SETBP1: variants seen among roughly 807,000 people sequenced by gnomAD.
The protein encoded by SETBP1 is SET-binding protein.
In SETBP1, 9 loss-of-function variants were observed where a neutral mutation model predicts 101.0. The ratio of observed to expected loss-of-function variants is 0.09; its 90% CI spans 0.05 to 0.16. The LOEUF is 0.16. SETBP1 is among the 10% of genes least tolerant of loss of function. The pLI is 1.00. For synonymous variants in SETBP1, 818 were observed against 788.5 expected (o/e 1.04, Z -0.63); for missense variants, 1,858 against 2,033.8 (o/e 0.91, Z 1.66).
intron 4 of SETBP1, among the ~76,000 whole-genome samples, chr18:45,015,656 C>T (rs1441781777): frequency 6.6e-6 from 1 of 152,212 alleles, no homozygotes; most frequent in Non-Finnish European, 1.5e-5. Flanking sequence ...TATTGGATTA[C>T]ACTTTATGCC....
Position 44,960,624 on chromosome 18 carries a change from G to T in SETBP1, c.4000+7284G>T, listed in dbSNP as rs557169578. 2.5e-4 allele frequency among the ~76,000 whole-genome samples: 38 copies of T among 152,252 alleles called. No homozygotes were observed. The South Asian group carries it at 7.1e-3, about 28-fold the overall frequency. The stretch of plus-strand genomic sequence containing the variant: ...CTCCCAAAGCGCTGGAATTATAGCT[G>T]TGAGCCAGTGTGCCTGGCCAGAAGC... On this transcript the variant is annotated intron_variant, in intron 4 of 5. Coordinates refer to ENST00000649279, the MANE Select transcript of SETBP1 (RefSeq NM_015559.3).
chr18:44,708,528 T>C (rs149289203), intron 2 of SETBP1, among the ~76,000 whole-genome samples: 98 of 152,258 alleles, frequency 6.4e-4, no homozygotes, highest in African/African-American at 2.2e-3. Context: ...TTCTCTCTGA[T>C]TATGTTGTAG....
chr18:45,007,687 G>C (rs1331197940), intron 4 of SETBP1, among the ~76,000 whole-genome samples: 1 of 152,174 alleles, frequency 6.6e-6, no homozygotes, highest in Admixed American at 6.5e-5. Flanking sequence ...TGGAGATGTT[G>C]CTACTTAAGA....
At chr18:44,876,903 T>G in intron 3 of SETBP1, 1 of 1,373,936 alleles carries the variant, frequency 7.3e-7, no homozygotes, top group Non-Finnish European at 9.4e-7. Flanking sequence ...TCTCTCTGGG[T>G]CTAAAAGATA....
At chr18:44,849,689 AG>A (rs2072806455) in intron 2 of SETBP1, among the ~76,000 whole-genome samples, 2 of 151,922 alleles carry the variant, frequency 1.3e-5, no homozygotes, top group African/African-American at 4.8e-5. Context: ...AGAGAGAGAG[AG>A]AGAGGAGTTC....
intron 4 of SETBP1, among the ~76,000 whole-genome samples, chr18:44,963,549 G>C (rs959809288): frequency 2.0e-5 from 3 of 151,912 alleles, no homozygotes; most frequent in African/African-American, 7.3e-5. Context: ...AATTTAAGGG[G>C]CTTTACCCAC....
chr18:44,752,023 C>A (rs113426920), intron 2 of SETBP1, among the ~76,000 whole-genome samples: 2 of 152,222 alleles, frequency 1.3e-5, no homozygotes, highest in East Asian at 3.9e-4. Flanking sequence ...CCTTGACTAC[C>A]TCTCAAAGGT....
chr18:44,722,338 C>T (rs983664290), intron 2 of SETBP1, among the ~76,000 whole-genome samples: 1 of 152,058 alleles, frequency 6.6e-6, no homozygotes, highest in Non-Finnish European at 1.5e-5. Flanking sequence ...CCCTACCTTC[C>T]CATGAGTCCC....
intron 4 of SETBP1, among the ~76,000 whole-genome samples, chr18:44,997,384 C>T (rs1568018008): frequency 6.6e-6 from 1 of 152,102 alleles, no homozygotes; most frequent in Non-Finnish European, 1.5e-5. Flanking sequence ...CAGGTGGCTC[C>T]CAGCTCTAAT....
At chr18:45,028,361 T>G (rs529821865) in intron 4 of SETBP1, among the ~76,000 whole-genome samples, 28 of 152,162 alleles carry the variant, frequency 1.8e-4, no homozygotes, top group African/African-American at 6.7e-4. Flanking sequence ...TATGGCTGCA[T>G]AGTATTCCAT....
intron 2 of SETBP1, among the ~76,000 whole-genome samples, chr18:44,824,543 G>C (rs1218201854): frequency 3.3e-5 from 5 of 152,150 alleles, no homozygotes; most frequent in Admixed American, 1.3e-4. Context: ...AAAGGTATTT[G>C]CTGATGGATT....
Position 44,952,765 on chromosome 18 carries a change from T to C in SETBP1, c.3425T>C (p.Leu1142Pro). 1 of 1,614,146 alleles carries C rather than the reference T, an allele frequency of 6.2e-7. No individual in the cohort carries two copies. The highest frequency in any genetic ancestry group is 8.5e-7 in the Non-Finnish European group (1 of 1,180,034). The change falls in exon 4 of 6, where the codon CTG becomes CCG. Residue 1142 changes from leucine to proline, a missense_variant. Transcript: ENST00000649279. ...LNPPKVGSASLSSGRLHKRKH... is the reference protein window; with the variant it reads ...LNPPKVGSASPSSGRLHKRKH... ...CCTCCCAAGGTAGGCAGTGCCAGTC[T>C]GTCCAGTGGTCGGCTCCATAAGAGG...
intron 3 of SETBP1, among the ~76,000 whole-genome samples, chr18:44,887,033 AC>A (rs1032498533): frequency 6.6e-6 from 1 of 152,056 alleles, no homozygotes. Context: ...TCTAAGAAGA[AC>A]TTTGACTTTG....
intron 2 of SETBP1, among the ~76,000 whole-genome samples, chr18:44,727,482 C>T (rs1324369574): frequency 2.0e-5 from 3 of 152,160 alleles, no homozygotes; most frequent in Admixed American, 2.0e-4. Flanking sequence ...CATCACTTTT[C>T]AGTGTGGGGG....
intron 2 of SETBP1, among the ~76,000 whole-genome samples, chr18:44,817,651 C>T (rs2072009454): frequency 6.7e-6 from 1 of 149,992 alleles, no homozygotes; most frequent in Admixed American, 6.7e-5. Context: ...TGCCATTGCA[C>T]TCCAACCCAG....
intron 2 of SETBP1, among the ~76,000 whole-genome samples, chr18:44,748,713 C>T (rs1018537753): frequency 1.3e-5 from 2 of 152,214 alleles, no homozygotes; most frequent in African/African-American, 2.4e-5. Context: ...GCTTCTGTCT[C>T]ATTGGCTTGG....
intron 2 of SETBP1, among the ~76,000 whole-genome samples, chr18:44,738,133 C>T (rs2070012320): frequency 6.6e-6 from 1 of 152,200 alleles, no homozygotes; most frequent in African/African-American, 2.4e-5. Flanking sequence ...CCCATATAAA[C>T]TGCTATTAAA....
intron 5 of SETBP1, among the ~76,000 whole-genome samples, chr18:45,045,288 G>A (rs900295362): frequency 6.6e-6 from 1 of 152,144 alleles, no homozygotes; most frequent in Non-Finnish European, 1.5e-5. Context: ...TAGGCATAGT[G>A]GCGGGCACCT....
intron 3 of SETBP1, chr18:44,870,701 G>A (rs528677001): frequency 1.3e-5 from 2 of 152,248 alleles, no homozygotes; most frequent in South Asian, 4.2e-4. Flanking sequence ...GCAATTCCAG[G>A]TAAATATTTT....
Sources: allele counts gnomAD v4.1 joint callset (sites outside exome capture counted in the v4.1 genomes callset), GRCh38; gene constraint gnomAD v4.1.1; transcripts MANE v1.5; gene names NCBI Gene and HGNC (gene_info 2026-07-23, HGNC 2026-07-21).